The following USP24 variants were observed in gnomAD, a reference collection of about 807,000 sequenced individuals.
USP24 encodes the protein ubiquitin carboxyl-terminal hydrolase 24.
In USP24, 97 loss-of-function variants were observed where a neutral mutation model predicts 361.6. The observed-to-expected ratio is 0.27, with a 90% confidence interval of 0.23 to 0.32. The LOEUF (loss-of-function observed/expected upper bound fraction) is 0.32. USP24 is among the 10% of genes least tolerant of loss of function. The pLI is 1.00. For missense variants in USP24, 2,353 were observed against 3,165.6 expected (o/e 0.74, Z 6.16); for synonymous variants, 1,098 against 1,124.6 (o/e 0.98, Z 0.47).
chr1:55,208,447 G>A (rs1344528301), intron 1 of USP24, among the ~76,000 whole-genome samples: 5 of 151,992 alleles, frequency 3.3e-5, no homozygotes, highest in Non-Finnish European at 1.5e-5. Context: ...GGCCAACATG[G>A]TGAAACCCCG....
intron 1 of USP24, among the ~76,000 whole-genome samples, chr1:55,180,835 C>A (rs533112179): frequency 6.6e-6 from 1 of 152,192 alleles, no homozygotes; most frequent in African/African-American, 2.4e-5. Context: ...TGCCTAAGGG[C>A]ATGGACCTTA....
At chr1:55,156,629 TATA>T (rs1647690542) in intron 12 of USP24, among the ~76,000 whole-genome samples, 1 of 152,118 alleles carries the variant, frequency 6.6e-6, no homozygotes, top group Admixed American at 6.6e-5. Context: ...AAATTAATAA[TATA>T]ATGAAAAGAA....
intron 39 of USP24, 97 bp downstream of exon 39, chr1:55,110,088 C>T: frequency 2.9e-6 from 3 of 1,022,478 alleles, no homozygotes; most frequent in Non-Finnish European, 4.2e-6. Flanking sequence ...ATTGTATTTA[C>T]ACCTGAGATA....
intron 20 of USP24, among the ~76,000 whole-genome samples, chr1:55,144,528 T>C (rs1646976739): frequency 6.6e-6 from 1 of 152,138 alleles, no homozygotes; most frequent in South Asian, 2.1e-4. Context: ...ACAAACCAAT[T>C]TTAAAATGGG....
At chr1:55,132,292 T>C (rs1646616200) in intron 31 of USP24, among the ~76,000 whole-genome samples, 1 of 152,204 alleles carries the variant, frequency 6.6e-6, no homozygotes, top group African/African-American at 2.4e-5. Flanking sequence ...GAGAAATAAA[T>C]GCTTGCAGTT....
chr1:55,100,251 C>A (rs184815630), intron 44 of USP24, among the ~76,000 whole-genome samples: 2 of 152,324 alleles, frequency 1.3e-5, no homozygotes, highest in East Asian at 3.9e-4. Flanking sequence ...AATCCCAGCA[C>A]TCTGGGAGGC....
At chr1:55,071,123 A>C (rs1241660456) in intron 67 of USP24, 88 of 954,670 alleles carry the variant, frequency 9.2e-5, no homozygotes, top group Non-Finnish European at 1.0e-4. Flanking sequence ...GATAACACTT[A>C]AAAAAAAATG....
rs1356358759 is a variant in USP24 at position 55,067,640 on chromosome 1, C to T, written c.*1405G>A. Reference sequence around the variant, plus strand: ...CAGCAGCCAGACAGGCACTTCAGGGCTGGCTGCGCCTCTGTGACTTGGCAA... The same window carrying T: ...CAGCAGCCAGACAGGCACTTCAGGGTTGGCTGCGCCTCTGTGACTTGGCAA... On this transcript the variant is annotated 3_prime_UTR_variant, in exon 68 of 68. Coordinates refer to ENST00000294383, the MANE Select transcript of USP24 (RefSeq NM_015306.3). 6.6e-6 allele frequency: 1 copy of T among 152,290 alleles called. No homozygotes were observed. The highest frequency in any genetic ancestry group is 1.5e-5 in the Non-Finnish European group (1 of 68,066). 9.4% of individuals were successfully genotyped at this position (152,290 alleles called of 1,614,324 possible). A position where few individuals can be genotyped will look rare whatever the true frequency, so the allele number is the denominator to read the frequency against.
intron 23 of USP24, among the ~76,000 whole-genome samples, chr1:55,142,014 G>A (rs780457065): frequency 6.6e-6 from 1 of 152,144 alleles, no homozygotes; most frequent in East Asian, 1.9e-4. Context: ...GACCTCATAA[G>A]GGGTATTCGA....
chr1:55,212,800 C>A (rs1286477465), intron 1 of USP24, among the ~76,000 whole-genome samples: 2 of 152,156 alleles, frequency 1.3e-5, no homozygotes, highest in East Asian at 3.9e-4. Flanking sequence ...CAGCTTCCCT[C>A]CCCCAGGCCA....
chr1:55,127,413 C>G (rs2100625935), intron 32 of USP24, among the ~76,000 whole-genome samples: 1 of 152,312 alleles, frequency 6.6e-6, no homozygotes, highest in African/African-American at 2.4e-5. Flanking sequence ...TTTTTTATGG[C>G]TGCAGAGTAT....
At chr1:55,095,635 A>G (rs377099422) in intron 50 of USP24, among the ~76,000 whole-genome samples, 7 of 152,304 alleles carry the variant, frequency 4.6e-5, no homozygotes, top group African/African-American at 1.7e-4. Flanking sequence ...GGGACAAGGA[A>G]TAAGGGAGCA....
intron 7 of USP24, among the ~76,000 whole-genome samples, chr1:55,164,054 T>G (rs12094274): frequency 6.6e-6 from 1 of 151,964 alleles, no homozygotes; most frequent in Non-Finnish European, 1.5e-5. Context: ...AGCAAAAACA[T>G]AGAAATAATC....
Position 55,215,260 on chromosome 1 carries a change from C to A in USP24, c.-147G>T. On this transcript the variant is annotated 5_prime_UTR_variant, in exon 1 of 68. Coordinates refer to ENST00000294383, the MANE Select transcript of USP24 (RefSeq NM_015306.3). The stretch of plus-strand genomic sequence containing the variant: ...CCCGGGTGCTCCGCAGCAGCCGGGC[C>A]AGGCTGGGTGCGGGCTTGGGTCCTG... 5.0e-6 allele frequency: 3 copies of A among 595,936 alleles called. No homozygotes were observed. Among genetic ancestry groups the A allele is most frequent in the Non-Finnish European group, 4.7e-6 (2 of 425,386 alleles). The allele number at this position is 595,936 out of a possible 1,614,324, so 36.9% of individuals were successfully genotyped here.
At chr1:55,093,336 G>A (rs1035712186) in intron 52 of USP24, among the ~76,000 whole-genome samples, 1 of 152,184 alleles carries the variant, frequency 6.6e-6, no homozygotes, top group African/African-American at 2.4e-5. Context: ...TAGCTACTGA[G>A]CTTTTGATTA....
intron 1 of USP24, among the ~76,000 whole-genome samples, chr1:55,195,622 A>G (rs1215025788): frequency 6.6e-6 from 1 of 152,236 alleles, no homozygotes; most frequent in African/African-American, 2.4e-5. Context: ...CTTTAAAAAG[A>G]AGGCAATCTT....
At chr1:55,167,611 C>T (rs1412295176) in intron 5 of USP24, among the ~76,000 whole-genome samples, 2 of 152,130 alleles carry the variant, frequency 1.3e-5, no homozygotes, top group African/African-American at 4.8e-5. Context: ...GAGACATAGT[C>T]AGACACAACC....
rs779929248 is a variant in USP24 at position 55,125,449 on chromosome 1, G to A, written c.3831C>T (p.Ser1277=). The part of the protein sequence containing the change: ...ALSSRPFRNV[S]RQTSRQMSLC... Reference sequence around the variant, plus strand: ...AGGACATCTGTCTGCTTGTCTGCCGGCTGACATTTCGGAATGGGCGGGAAG... The same window carrying A: ...AGGACATCTGTCTGCTTGTCTGCCGACTGACATTTCGGAATGGGCGGGAAG... The change falls in exon 34 of 68, where the codon AGC becomes AGT. Residue 1277 remains serine, a synonymous_variant. Coordinates refer to ENST00000294383, the MANE Select transcript of USP24 (RefSeq NM_015306.3). 1.2e-6 allele frequency: 2 copies of A among 1,613,944 alleles called. No homozygotes were observed. The highest frequency in any genetic ancestry group is 1.7e-6 in the Non-Finnish European group (2 of 1,179,878).
chr1:55,085,103 G>T, intron 56 of USP24, among the ~76,000 whole-genome samples: 1 of 152,196 alleles, frequency 6.6e-6, no homozygotes, highest in East Asian at 1.9e-4. Context: ...TTAAAAAATG[G>T]TTCTGCTATT....
Sources: gnomAD v4.1 joint callset for allele counts (sites outside exome capture counted in the v4.1 genomes callset) on GRCh38, gnomAD v4.1.1 for gene constraint, MANE v1.5 for transcripts, NCBI Gene and HGNC (gene_info 2026-07-23, HGNC 2026-07-21) for gene names.